Variants in PTPN11 observed in about 807,000 individuals in gnomAD.
The protein encoded by PTPN11 is tyrosine-protein phosphatase non-receptor type 11.
A neutral mutation model predicts 78.8 loss-of-function variants in PTPN11; 6 were observed. The observed-to-expected ratio is 0.08, with a 90% CI of 0.04 to 0.15. The LOEUF (loss-of-function observed/expected upper bound fraction) is 0.15, where lower values mean the gene tolerates loss of function less well. Ranked by LOEUF, PTPN11 falls within the 10% of genes least tolerant of loss-of-function variation. The pLI is 1.00. For missense variants in PTPN11, 386 were observed against 744.8 expected, an observed-to-expected ratio of 0.52 and a Z score of 5.61; for synonymous variants, 221 against 263.5, an observed-to-expected ratio of 0.84 and a Z score of 1.56.
Position 112,504,985 on chromosome 12 carries a change from A to G in PTPN11, c.*32+189A>G, listed in dbSNP as rs2038915945. 6.6e-6 allele frequency among the ~76,000 whole-genome samples: 1 copy of G among 152,238 alleles called. No individual in the cohort carries two copies. The highest frequency in any genetic ancestry group is 2.1e-4 in the South Asian group (1 of 4,830). On this transcript the variant is annotated intron_variant, in intron 15 of 15. Coordinates refer to ENST00000351677, the MANE Select transcript of PTPN11 (RefSeq NM_002834.5). The surrounding 1 kb of genome is among the most constrained non-coding windows in gnomAD (Gnocchi z 4.7). ...AGTTTAGAGTTCATTAAACATTAAA[A>G]TCAAACACAGAATTAATTCTGCATG... is the stretch of plus-strand genomic sequence containing the variant.
At chr12:112,435,482 T>G (rs2037774764) in intron 1 of PTPN11, among the ~76,000 whole-genome samples, 1 of 152,044 alleles carries the variant, frequency 6.6e-6, no homozygotes, top group African/African-American at 2.4e-5. Flanking sequence ...AGGTAGATTG[T>G]GGGGGTCTAG....
At chr12:112,419,574 T>G (rs1360318730) in intron 1 of PTPN11, among the ~76,000 whole-genome samples, 1 of 152,236 alleles carries the variant, frequency 6.6e-6, no homozygotes, top group Non-Finnish European at 1.5e-5. Context: ...TCGTTCTGGC[T>G]CACTGTGCCA....
chr12:112,455,075 C>T (rs540941990), intron 5 of PTPN11, among the ~76,000 whole-genome samples: 91 of 151,920 alleles, frequency 6.0e-4, no homozygotes, highest in African/African-American at 2.2e-3. Context: ...CCGCCTTGGC[C>T]TCCCGAAGTT....
chr12:112,486,034 A>T (rs1288701324), intron 10 of PTPN11, among the ~76,000 whole-genome samples: 1 of 151,444 alleles, frequency 6.6e-6, no homozygotes, highest in Non-Finnish European at 1.5e-5. Context: ...ATGGTGGGGA[A>T]GGTTGAGTAT....
intron 7 of PTPN11, among the ~76,000 whole-genome samples, chr12:112,475,307 G>A (rs1235987072): frequency 1.3e-5 from 2 of 151,786 alleles, no homozygotes; most frequent in African/African-American, 2.4e-5. Context: ...AGAAAGGAAG[G>A]AACATTTACA....
chr12:112,504,235 G>A lies in PTPN11; in HGVS notation c.1713-460G>A, dbSNP rs555710461. On this transcript the variant is annotated intron_variant, in intron 14 of 15. Transcript: ENST00000351677. The surrounding 1 kb of genome is among the most constrained non-coding windows in gnomAD (Gnocchi z 4.7). ...TTTTGAGATGGAGTCTCGCTCTGTCGCCCAGGCTGGAGTGCAGTGGCACGA... is the reference window on the plus strand; with the variant it reads ...TTTTGAGATGGAGTCTCGCTCTGTCACCCAGGCTGGAGTGCAGTGGCACGA... Among the ~76,000 whole-genome samples the A allele has an allele frequency of 2.0e-5, 3 of 152,172 alleles. No homozygotes were observed. Among genetic ancestry groups the A allele is most frequent in the African/African-American group, 4.8e-5 (2 of 41,518 alleles).
chr12:112,486,226 C>A (rs1383241597), intron 10 of PTPN11, among the ~76,000 whole-genome samples: 1 of 152,054 alleles, frequency 6.6e-6, no homozygotes, highest in Non-Finnish European at 1.5e-5. Flanking sequence ...AGAGATGATT[C>A]AGGGTATAGT....
intron 1 of PTPN11, among the ~76,000 whole-genome samples, chr12:112,421,131 C>G (rs529831285): frequency 6.6e-6 from 1 of 152,242 alleles, no homozygotes; most frequent in South Asian, 2.1e-4. Context: ...TCCCCTCCAG[C>G]CCTGGTATTA....
At chr12:112,479,509 C>G (rs1193995961) in intron 9 of PTPN11, among the ~76,000 whole-genome samples, 1 of 152,100 alleles carries the variant, frequency 6.6e-6, no homozygotes, top group African/African-American at 2.4e-5. Context: ...CTTCTGAATA[C>G]CTTTGAGGCC....
intron 13 of PTPN11, among the ~76,000 whole-genome samples, chr12:112,493,378 T>C (rs1449888813): frequency 1.3e-5 from 2 of 150,330 alleles, no homozygotes; most frequent in Non-Finnish European, 3.0e-5. Flanking sequence ...AAATTTTAAG[T>C]GTACATTTTT....
chr12:112,480,384 T>G (rs932490390), intron 9 of PTPN11, among the ~76,000 whole-genome samples: 11 of 147,458 alleles, frequency 7.5e-5, no homozygotes, highest in Admixed American at 1.4e-4. Context: ...TTTTTTTTTT[T>G]GGGACTGTAT....
chr12:112,454,745 T>C lies in PTPN11; in HGVS notation c.642+65T>C, dbSNP rs190049856. The C allele has an allele frequency of 5.4e-5, 67 of 1,230,756 alleles. No homozygotes were observed. The Middle Eastern group carries it at 5.6e-4, about 10-fold the overall frequency. The allele number at this position is 1,230,756 out of a possible 1,614,324, so 76.2% of individuals were successfully genotyped here. A position where few individuals can be genotyped will look rare whatever the true frequency, so the allele number is the denominator to read the frequency against. On this transcript the variant is annotated intron_variant, in intron 5 of 15. Transcript: ENST00000351677. Reference sequence around the variant, plus strand: ...TTAAAACAAATCCTAATAGAGAATTTTGCAAACATACAGAGGTAGACAGAA... The same window carrying C: ...TTAAAACAAATCCTAATAGAGAATTCTGCAAACATACAGAGGTAGACAGAA...
At chr12:112,494,667 A>G (rs1380646357) in intron 13 of PTPN11, among the ~76,000 whole-genome samples, 3 of 152,134 alleles carry the variant, frequency 2.0e-5, no homozygotes, top group African/African-American at 7.2e-5. Context: ...TGAAACCAAG[A>G]TCTGGGCACT....
intron 13 of PTPN11, among the ~76,000 whole-genome samples, chr12:112,492,535 TG>T (rs2038758864): frequency 6.6e-6 from 1 of 151,938 alleles, no homozygotes; most frequent in Admixed American, 6.6e-5. Flanking sequence ...TTTTTTTTTT[TG>T]AGATGGAGTC....
intron 6 of PTPN11, among the ~76,000 whole-genome samples, chr12:112,468,030 GGT>G (rs2093443352): frequency 6.6e-6 from 1 of 152,198 alleles, no homozygotes; most frequent in South Asian, 2.1e-4. Context: ...CCTGCAGTCA[GGT>G]GTCTGTAACT....
intron 1 of PTPN11, among the ~76,000 whole-genome samples, chr12:112,439,778 C>CT (rs761248504): frequency 3.1e-4 from 44 of 143,152 alleles, no homozygotes; most frequent in East Asian, 1.0e-3. Context: ...CTGGATTGTC[C>CT]TTTTTTAAAA....
At chr12:112,494,526 G>A (rs554928070) in intron 13 of PTPN11, among the ~76,000 whole-genome samples, 46 of 152,108 alleles carry the variant, frequency 3.0e-4, no homozygotes, top group African/African-American at 1.0e-3. Flanking sequence ...TTTTCAGATC[G>A]GGTACTCTGT....
intron 1 of PTPN11, among the ~76,000 whole-genome samples, chr12:112,426,671 C>T (rs1439634513): frequency 1.3e-5 from 2 of 151,922 alleles, no homozygotes; most frequent in African/African-American, 2.4e-5. Context: ...TGTAATAGGC[C>T]CTGGAGCTTA....
At position 112,419,176 on chromosome 12, in the gene PTPN11, G is replaced by T. The variant is rs1286869563; in HGVS notation, c.14+51G>T. 2.7e-6 allele frequency: 4 copies of T among 1,476,396 alleles called. No individual in the cohort carries two copies. The Admixed American group carries it at 6.8e-5, about 25-fold the overall frequency. The allele number at this position is 1,476,396 out of a possible 1,614,324, so 91.5% of individuals were successfully genotyped here. The stretch of plus-strand genomic sequence containing the variant: ...CGGGCCTCGGCCCGGCCACCGCCGC[G>T]TTCGGTTAGCCCCGTCCGGAAGGGG... On this transcript the variant is annotated intron_variant, in intron 1 of 15. Coordinates refer to ENST00000351677, the MANE Select transcript of PTPN11 (RefSeq NM_002834.5).
Sources: gnomAD v4.1 joint callset for allele counts (sites outside exome capture counted in the v4.1 genomes callset) on GRCh38, gnomAD v4.1.1 for gene constraint, Gnocchi (gnomAD v3.1) non-coding constraint, MANE v1.5 for transcripts, NCBI Gene and HGNC (gene_info 2026-07-23, HGNC 2026-07-21) for gene names.